The following IL1RAP variants were observed in gnomAD, a reference collection of about 807,000 sequenced individuals.
The protein encoded by IL1RAP is interleukin 1 receptor accessory protein.
Under a neutral mutation model 60.7 loss-of-function variants are expected in IL1RAP, and 35 were observed. That is an observed-to-expected ratio of 0.58 (90% CI 0.44 to 0.76). IL1RAP has a LOEUF of 0.76. Ranked by LOEUF, IL1RAP falls within the 30% of genes least tolerant of loss-of-function variation. IL1RAP has a pLI of 0.00. For synonymous variants in IL1RAP, 268 were observed against 250.9 expected, an observed-to-expected ratio of 1.07 and a Z score of -0.64; for missense variants, 572 against 693.9, an observed-to-expected ratio of 0.82 and a Z score of 1.97.
chr3:190,629,697 G>A lies in IL1RAP; in HGVS notation c.1051+199G>A, dbSNP rs368452306. ...TACTCAAAATATTGTTTCTGATATTGTTAGTACCGTAATGCCCAAATGTAG... is the reference window on the plus strand; with the variant it reads ...TACTCAAAATATTGTTTCTGATATTATTAGTACCGTAATGCCCAAATGTAG... On this transcript the variant is annotated intron_variant, in intron 9 of 11. Transcript: ENST00000447382. 13 of 1,296,864 alleles carry A rather than the reference G, an allele frequency of 1.0e-5. No individual in the cohort carries two copies. The East Asian group carries it at 3.3e-4, about 33-fold the overall frequency. 80.3% of individuals were successfully genotyped at this position (1,296,864 alleles called of 1,614,324 possible). A position where few individuals can be genotyped will look rare whatever the true frequency, so the allele number is the denominator to read the frequency against.
intron 5 of IL1RAP, among the ~76,000 whole-genome samples, chr3:190,617,024 C>T (rs77149610): frequency 0.01 from 1,584 of 152,288 alleles, 21 homozygotes; most frequent in African/African-American, 0.036. Flanking sequence ...GAGTTCTTCA[C>T]GCTTTTTCCT....
intron 1 of IL1RAP, among the ~76,000 whole-genome samples, chr3:190,545,595 A>T (rs1370525459): frequency 6.6e-6 from 1 of 152,236 alleles, no homozygotes; most frequent in African/African-American, 2.4e-5. Context: ...ATAGTGTTGC[A>T]GTGGCTCTCT....
At chr3:190,600,437 GT>G (rs1432207688) in intron 3 of IL1RAP, among the ~76,000 whole-genome samples, 1 of 152,080 alleles carries the variant, frequency 6.6e-6, no homozygotes, top group African/African-American at 2.4e-5. Context: ...CATATCTTCG[GT>G]TTTGAGATAC....
intron 3 of IL1RAP, among the ~76,000 whole-genome samples, chr3:190,571,113 C>T (rs1031352810): frequency 3.3e-5 from 5 of 152,030 alleles, no homozygotes; most frequent in African/African-American, 4.8e-5. Context: ...ACAGGCACAT[C>T]GATCATGATT....
intron 3 of IL1RAP, among the ~76,000 whole-genome samples, chr3:190,593,656 C>T (rs746322811): frequency 5.9e-5 from 9 of 151,922 alleles, no homozygotes; most frequent in East Asian, 1.9e-4. Flanking sequence ...TTTATAAAAC[C>T]GTCAGATCTC....
intron 9 of IL1RAP, among the ~76,000 whole-genome samples, chr3:190,635,543 C>T (rs550985534): frequency 4.6e-5 from 7 of 152,092 alleles, no homozygotes; most frequent in South Asian, 4.1e-4. Context: ...GTTGAAATGT[C>T]GAGTTTTTGT....
chr3:190,624,755 G>A, intron 7 of IL1RAP: 1 of 190,274 alleles, frequency 5.3e-6, no homozygotes, highest in South Asian at 1.3e-4. Context: ...TGGGGAGTAT[G>A]TAGGATATGT....
chr3:190,627,211 G>A, intron 7 of IL1RAP, 112 bp from the exon 8 acceptor site: 1 of 822,898 alleles, frequency 1.2e-6, no homozygotes, highest in African/African-American at 1.7e-5. Flanking sequence ...AACCAATATA[G>A]CCATGTGAAG....
chr3:190,610,523 A>C (rs1319445518), intron 5 of IL1RAP, among the ~76,000 whole-genome samples: 3 of 152,108 alleles, frequency 2.0e-5, no homozygotes, highest in African/African-American at 4.8e-5. Context: ...AATTAAAAAA[A>C]TGACAAATAC....
At chr3:190,540,269 C>T (rs1057386890) in intron 1 of IL1RAP, among the ~76,000 whole-genome samples, 1 of 152,076 alleles carries the variant, frequency 6.6e-6, no homozygotes, top group Non-Finnish European at 1.5e-5. Context: ...CTGCCTTCCT[C>T]CCTCCTTCCC....
intron 3 of IL1RAP, among the ~76,000 whole-genome samples, chr3:190,582,527 A>C (rs1371178072): frequency 6.6e-6 from 1 of 152,120 alleles, no homozygotes; most frequent in Non-Finnish European, 1.5e-5. Context: ...CATGTTGGTC[A>C]GGCTGGTCTC....
intron 3 of IL1RAP, among the ~76,000 whole-genome samples, chr3:190,569,179 G>A (rs1480529451): frequency 1.3e-5 from 2 of 152,212 alleles, no homozygotes; most frequent in African/African-American, 2.4e-5. Context: ...TAAAGAGAAT[G>A]TCCACATTTA....
At chr3:190,580,559 C>G (rs897946499) in intron 3 of IL1RAP, among the ~76,000 whole-genome samples, 1 of 152,108 alleles carries the variant, frequency 6.6e-6, no homozygotes, top group African/African-American at 2.4e-5. Context: ...AGGACAGACA[C>G]TACATGATGC....
In IL1RAP at chr3:190,604,347, A is replaced by G; in HGVS notation, c.284A>G (p.Glu95Gly). 6.2e-7 allele frequency: 1 copy of G among 1,613,680 alleles called. No individual in the cohort carries two copies. Among genetic ancestry groups the G allele is most frequent in the Non-Finnish European group, 8.5e-7 (1 of 1,179,940 alleles). The stretch of plus-strand genomic sequence containing the variant: ...CTCCCCGAGAACCGCATTAGTAAGG[A>G]GAAAGATGTGCTGTGGTTCCGGCCC... ...FRLPENRISKEKDVLWFRPTL... is the reference protein window; with the variant it reads ...FRLPENRISKGKDVLWFRPTL... Residue 95 changes from glutamate to glycine, a missense_variant, in exon 4 of 12, where the codon GAG (glutamate) becomes GGG (glycine). Physicochemically the swap from Glu to Gly is moderately conservative, Grantham distance 98. Coordinates refer to ENST00000447382, the MANE Select transcript of IL1RAP (RefSeq NM_002182.4).
chr3:190,648,651 G>C lies in IL1RAP; in HGVS notation c.1659G>C (p.Arg553Ser). The C allele has an allele frequency of 6.2e-7, 1 of 1,614,140 alleles. No individual in the cohort carries two copies. The highest frequency in any genetic ancestry group is 1.1e-5 in the South Asian group (1 of 91,072). ...CCATGCCAGTGAAGAAAAGTCCCAG[G>C]CGGTCTAGCAGTGATGAGCAGGGCC... ...QVAMPVKKSPRRSSSDEQGLS... is the reference protein window; with the variant it reads ...QVAMPVKKSPSRSSSDEQGLS... Residue 553 changes from arginine (R) to serine (S), a missense_variant, in exon 12 of 12, where the codon AGG (arginine) becomes AGC (serine). Arg to Ser is a moderately radical substitution (Grantham distance 110). Coordinates refer to ENST00000447382, the MANE Select transcript of IL1RAP (RefSeq NM_002182.4).
chr3:190,522,596 C>G (rs1184926374), intron 1 of IL1RAP, among the ~76,000 whole-genome samples: 2 of 152,088 alleles, frequency 1.3e-5, no homozygotes, highest in East Asian at 3.8e-4. Context: ...CCCAAAGCCT[C>G]TCTCATTTGA....
chr3:190,625,694 C>CA (rs367803379), intron 7 of IL1RAP, among the ~76,000 whole-genome samples: 233 of 151,312 alleles, frequency 1.5e-3, no homozygotes, highest in African/African-American at 5.5e-3. Context: ...AGAACAATGC[C>CA]AAAAAAAATC....
chr3:190,569,184 C>G (rs1294970798), intron 3 of IL1RAP, among the ~76,000 whole-genome samples: 1 of 152,204 alleles, frequency 6.6e-6, no homozygotes, highest in African/African-American at 2.4e-5. Flanking sequence ...AGAATGTCCA[C>G]ATTTAATGTA....
At chr3:190,575,317 A>G (rs1054930526) in intron 3 of IL1RAP, among the ~76,000 whole-genome samples, 1 of 152,166 alleles carries the variant, frequency 6.6e-6, no homozygotes, top group African/African-American at 2.4e-5. Flanking sequence ...CTGTATTGGT[A>G]ACCAAAACAA....
Sources: gnomAD v4.1 joint callset for allele counts (sites outside exome capture counted in the v4.1 genomes callset) on GRCh38, gnomAD v4.1.1 for gene constraint, MANE v1.5 for transcripts, NCBI Gene and HGNC (gene_info 2026-07-23, HGNC 2026-07-21) for gene names.